FMN2: variants seen among roughly 807,000 people sequenced by gnomAD.
FMN2 encodes the protein formin 2.
FMN2 carries 51 observed loss-of-function variants against 142.3 expected under a neutral mutation model. That is an observed-to-expected ratio of 0.36 (90% confidence interval 0.29 to 0.45). The LOEUF is 0.45. Ranked by LOEUF, FMN2 falls within the 20% of genes least tolerant of loss-of-function variation. The pLI, the probability that FMN2 is intolerant of heterozygous loss-of-function variation, is 1.00. For synonymous variants in FMN2, 882 were observed against 869.8 expected (o/e 1.01, Z -0.25); for missense variants, 1,936 against 2,122.8 (o/e 0.91, Z 1.73).
intron 1 of FMN2, among the ~76,000 whole-genome samples, chr1:240,122,129 C>G (rs1000868484): frequency 1.3e-5 from 2 of 150,674 alleles, no homozygotes; most frequent in Non-Finnish European, 3.0e-5. Context: ...CTCTTGTTGC[C>G]CAGGCCGGAG....
chr1:240,329,613 T>C, intron 10 of FMN2, 145 bp downstream of exon 10: 1 of 1,110,862 alleles, frequency 9.0e-7, no homozygotes, highest in Admixed American at 2.6e-5. Flanking sequence ...GAACATTTTA[T>C]GATTGACCTT....
intron 4 of FMN2, among the ~76,000 whole-genome samples, chr1:240,193,841 A>T (rs2103357955): frequency 6.6e-6 from 1 of 152,296 alleles, no homozygotes; most frequent in Non-Finnish European, 1.5e-5. Context: ...TCTAAAATCC[A>T]AATTTGCTGA....
intron 15 of FMN2, among the ~76,000 whole-genome samples, chr1:240,430,866 A>G (rs1675146155): frequency 6.6e-6 from 1 of 152,026 alleles, no homozygotes; most frequent in East Asian, 1.9e-4. Flanking sequence ...AACTCTTGAA[A>G]TCAGACAATG....
intron 13 of FMN2, among the ~76,000 whole-genome samples, chr1:240,342,971 A>G (rs1490601127): frequency 6.7e-6 from 1 of 148,720 alleles, no homozygotes; most frequent in Admixed American, 6.7e-5. Context: ...TCCCAAGAGG[A>G]AAAAAAAAAT....
chr1:240,359,135 A>G (rs898232732), intron 14 of FMN2, among the ~76,000 whole-genome samples: 1 of 152,146 alleles, frequency 6.6e-6, no homozygotes, highest in African/African-American at 2.4e-5. Context: ...AAAAATTTAA[A>G]ATAAAGGTAA....
At chr1:240,292,234 A>G (rs116072399) in intron 7 of FMN2, among the ~76,000 whole-genome samples, 186 of 152,324 alleles carry the variant, frequency 1.2e-3, no homozygotes, top group African/African-American at 4.3e-3. Flanking sequence ...CTTGGAACCA[A>G]GAAATTTCTG....
intron 5 of FMN2, among the ~76,000 whole-genome samples, chr1:240,208,937 T>G (rs569028565): frequency 6.6e-6 from 1 of 152,344 alleles, no homozygotes; most frequent in South Asian, 2.1e-4. Context: ...GTAAAATAAA[T>G]ACATATACGT....
At chr1:240,351,889 T>C (rs1224154851) in intron 13 of FMN2, among the ~76,000 whole-genome samples, 1 of 150,046 alleles carries the variant, frequency 6.7e-6, no homozygotes, top group Non-Finnish European at 1.5e-5. Flanking sequence ...TATGATGTCA[T>C]GGATGTGTAT....
intron 15 of FMN2, among the ~76,000 whole-genome samples, chr1:240,400,035 G>A (rs1412519388): frequency 6.6e-6 from 1 of 152,166 alleles, no homozygotes; most frequent in Admixed American, 6.5e-5. Flanking sequence ...AAAGAATAGA[G>A]GTCTAGATGG....
At chr1:240,191,377 C>T (rs184688985) in intron 4 of FMN2, among the ~76,000 whole-genome samples, 1 of 152,316 alleles carries the variant, frequency 6.6e-6, no homozygotes, top group African/African-American at 2.4e-5. Flanking sequence ...GCAAATACAG[C>T]TGGCACTCAA....
chr1:240,228,837 T>A (rs1667438972), intron 6 of FMN2, among the ~76,000 whole-genome samples: 2 of 152,192 alleles, frequency 1.3e-5, no homozygotes. Context: ...AAGCTGTTTT[T>A]AACTTAAAGC....
At chr1:240,395,552 C>T (rs1445577742) in intron 15 of FMN2, among the ~76,000 whole-genome samples, 2 of 152,066 alleles carry the variant, frequency 1.3e-5, no homozygotes, top group Non-Finnish European at 2.9e-5. Context: ...AAAATATCAG[C>T]GTTAACAGGA....
chr1:240,445,044 A>C (rs1675757461), intron 16 of FMN2, among the ~76,000 whole-genome samples: 1 of 152,210 alleles, frequency 6.6e-6, no homozygotes, highest in African/African-American at 2.4e-5. Context: ...CCCATAAAGA[A>C]ATCCTCTTCT....
chr1:240,296,243 A>G (rs1669975244), intron 8 of FMN2, among the ~76,000 whole-genome samples: 1 of 145,520 alleles, frequency 6.9e-6, no homozygotes, highest in Non-Finnish European at 1.5e-5. Flanking sequence ...GGAGTAAGGT[A>G]TTGAAGGAGA....
At chr1:240,187,692 TGA>T (rs1447207716) in intron 3 of FMN2, among the ~76,000 whole-genome samples, 1 of 152,216 alleles carries the variant, frequency 6.6e-6, no homozygotes, top group East Asian at 1.9e-4. Context: ...GAATCTCAGA[TGA>T]CATGAGGACT....
chr1:240,139,575 A>T (rs1663092090), intron 2 of FMN2, among the ~76,000 whole-genome samples: 1 of 152,232 alleles, frequency 6.6e-6, no homozygotes. Context: ...AGACAAAAAA[A>T]CAAGATATTT....
intron 16 of FMN2, among the ~76,000 whole-genome samples, chr1:240,467,736 G>C (rs72769826): frequency 5.3e-5 from 8 of 152,112 alleles, no homozygotes; most frequent in African/African-American, 1.9e-4. Context: ...AGTTTGCTTC[G>C]AGATGAAATT....
intron 2 of FMN2, chr1:240,145,229 T>G (rs989759113): frequency 1.4e-6 from 2 of 1,462,226 alleles, no homozygotes; most frequent in African/African-American, 2.8e-5. Flanking sequence ...AAGCTGTTTA[T>G]CTTCCTCAGA....
intron 16 of FMN2, among the ~76,000 whole-genome samples, chr1:240,440,461 C>T (rs1335768908): frequency 6.6e-6 from 1 of 151,992 alleles, no homozygotes; most frequent in Non-Finnish European, 1.5e-5. Context: ...CTTTCCTTCA[C>T]TCTCTAAGTA....
Sources: allele counts gnomAD v4.1 joint callset (sites outside exome capture counted in the v4.1 genomes callset), GRCh38; gene constraint gnomAD v4.1.1; transcripts MANE v1.5; gene names NCBI Gene and HGNC (gene_info 2026-07-23, HGNC 2026-07-21).